DLC1: variants seen among roughly 807,000 people sequenced by gnomAD.
DLC1 encodes the protein DLC1 Rho GTPase activating protein, also known as rho GTPase-activating protein 7.
DLC1 carries 54 observed loss-of-function variants against 140.3 expected under a neutral mutation model. The observed-to-expected ratio is 0.38, with a 90% CI of 0.31 to 0.48. The LOEUF (loss-of-function observed/expected upper bound fraction) is 0.48, where lower values mean the gene tolerates loss of function less well. Ranked by LOEUF, DLC1 falls within the 20% of genes least tolerant of loss-of-function variation. The pLI, the probability that DLC1 is intolerant of heterozygous loss-of-function variation, is 0.96. For synonymous variants in DLC1, 986 were observed against 728.1 expected, an observed-to-expected ratio of 1.35 and a Z score of -5.70; for missense variants, 2,536 against 1,907.0, an observed-to-expected ratio of 1.33 and a Z score of -6.14.
intron 6 of DLC1, among the ~76,000 whole-genome samples, chr8:13,113,921 A>C (rs866136140): frequency 2.0e-5 from 3 of 152,372 alleles, no homozygotes; most frequent in South Asian, 2.1e-4. Flanking sequence ...AGGCTACATA[A>C]GGAAGACCGG....
chr8:13,096,679 C>T (rs750259950), intron 10 of DLC1, among the ~76,000 whole-genome samples: 2 of 151,942 alleles, frequency 1.3e-5, no homozygotes, highest in African/African-American at 4.8e-5. Flanking sequence ...CACATAATAA[C>T]AGCCTTTGAA....
At chr8:13,464,338 A>G (rs1799822959) in intron 2 of DLC1, among the ~76,000 whole-genome samples, 1 of 152,188 alleles carries the variant, frequency 6.6e-6, no homozygotes, top group African/African-American at 2.4e-5. Flanking sequence ...TGTTAGTTAG[A>G]ATTATAAGTC....
intron 2 of DLC1, among the ~76,000 whole-genome samples, chr8:13,413,916 G>C (rs1345726041): frequency 6.6e-6 from 1 of 152,070 alleles, no homozygotes; most frequent in Non-Finnish European, 1.5e-5. Flanking sequence ...TTCATCCTTG[G>C]GAGCTGAATG....
chr8:13,604,455 A>G (rs2117510487), intron 1 of DLC1: 1 of 152,318 alleles, frequency 6.6e-6, no homozygotes, highest in African/African-American at 2.4e-5. Context: ...AGACTTTAAC[A>G]TGCAAACTAC....
At chr8:13,141,380 G>T (rs945948841) in intron 5 of DLC1, among the ~76,000 whole-genome samples, 1 of 151,630 alleles carries the variant, frequency 6.6e-6, no homozygotes, top group Non-Finnish European at 1.5e-5. Context: ...ATGTATGTGT[G>T]CAGATATATA....
At chr8:13,188,801 G>GTGTGTGTGTA (rs1293675412) in intron 5 of DLC1, among the ~76,000 whole-genome samples, 8 of 71,894 alleles carry the variant, frequency 1.1e-4, no homozygotes, top group African/African-American at 4.6e-4. Flanking sequence ...GTGTGTGTGT[G>GTGTGTGTGTA]TATATATATA....
chr8:13,343,300 G>T (rs1342061549), intron 4 of DLC1, among the ~76,000 whole-genome samples: 1 of 152,200 alleles, frequency 6.6e-6, no homozygotes, highest in Non-Finnish European at 1.5e-5. Context: ...TGAGCAGAAA[G>T]TGATGGCTCA....
At chr8:13,601,469 G>A (rs1253947326) in intron 1 of DLC1, among the ~76,000 whole-genome samples, 2 of 151,730 alleles carry the variant, frequency 1.3e-5, no homozygotes, top group Non-Finnish European at 3.0e-5. Context: ...GGCCAAAAAG[G>A]ATTTTTCAGA....
chr8:13,201,725 C>T (rs1827389372), intron 5 of DLC1, among the ~76,000 whole-genome samples: 1 of 152,002 alleles, frequency 6.6e-6, no homozygotes, highest in Admixed American at 6.6e-5. Context: ...CTGAACTCCT[C>T]ATCTTTGATA....
intron 4 of DLC1, among the ~76,000 whole-genome samples, chr8:13,383,549 C>T (rs1454890552): frequency 4.6e-5 from 7 of 152,170 alleles, no homozygotes; most frequent in African/African-American, 1.4e-4. Flanking sequence ...AGACATGGCA[C>T]ATTGTCACAT....
At chr8:13,471,636 A>C (rs1393302765) in intron 2 of DLC1, among the ~76,000 whole-genome samples, 2 of 152,056 alleles carry the variant, frequency 1.3e-5, no homozygotes, top group Non-Finnish European at 2.9e-5. Flanking sequence ...ACCCTATGAC[A>C]CGAGTTTACC....
chr8:13,430,184 C>A (rs138570076), intron 2 of DLC1, among the ~76,000 whole-genome samples: 1 of 152,120 alleles, frequency 6.6e-6, no homozygotes, highest in Non-Finnish European at 1.5e-5. Context: ...AATTGGAGAG[C>A]GCATGAGTCT....
At chr8:13,264,232 C>A (rs947135663) in intron 5 of DLC1, among the ~76,000 whole-genome samples, 4 of 151,826 alleles carry the variant, frequency 2.6e-5, no homozygotes, top group African/African-American at 7.3e-5. Flanking sequence ...CCATACCTGG[C>A]TAATTTTTTT....
intron 5 of DLC1, among the ~76,000 whole-genome samples, chr8:13,303,676 C>A (rs909596922): frequency 1.8e-4 from 28 of 152,084 alleles, no homozygotes; most frequent in Non-Finnish European, 3.7e-4. Context: ...GTGGCGCAGG[C>A]ATGTAATCCC....
chr8:13,193,190 T>A (rs1159571015), intron 5 of DLC1, among the ~76,000 whole-genome samples: 1 of 152,182 alleles, frequency 6.6e-6, no homozygotes, highest in Non-Finnish European at 1.5e-5. Context: ...AAATAGGAAT[T>A]TCCTTGCCAC....
At position 13,153,490 on chromosome 8, in the gene DLC1, GAAA is replaced by G. The variant is rs1369681376; in HGVS notation, c.1349-37836_1349-37834del. ...AAAACACCAAAGCTTCCACAGTGTG[GAAA>G]ACGACCCAAACAGGTCGCCACTGCT... On this transcript the variant is annotated intron_variant, in intron 5 of 17. Transcript: ENST00000276297. Among the ~76,000 whole-genome samples the G allele has an allele frequency of 4.6e-5, 7 of 152,308 alleles. No individual in the cohort carries two copies. In the East Asian group the frequency reaches 1.4e-3, roughly 29 times the overall value.
At chr8:13,574,401 T>A (rs1804765887) in intron 1 of DLC1, among the ~76,000 whole-genome samples, 1 of 152,098 alleles carries the variant, frequency 6.6e-6, no homozygotes, top group South Asian at 2.1e-4. Context: ...TAATATATGT[T>A]TTTTGCCCTT....
At chr8:13,516,729 T>C (rs1348378609), upstream of DLC1, among the ~76,000 whole-genome samples, 3 of 152,238 alleles carry the variant, frequency 2.0e-5, no homozygotes, top group Non-Finnish European at 4.4e-5. Context: ...TGTTCTTCCA[T>C]AAATTCTTTA....
At chr8:13,160,464 G>A (rs748231920) in intron 5 of DLC1, among the ~76,000 whole-genome samples, 18 of 152,162 alleles carry the variant, frequency 1.2e-4, no homozygotes, top group Non-Finnish European at 1.6e-4. Context: ...CATCCCCACT[G>A]GGCTTTCACA....
Sources: allele counts gnomAD v4.1 joint callset (sites outside exome capture counted in the v4.1 genomes callset), GRCh38; gene constraint gnomAD v4.1.1; transcripts MANE v1.5; gene names NCBI Gene and HGNC (gene_info 2026-07-23, HGNC 2026-07-21).